ELFN2: variants seen among roughly 807,000 people sequenced by gnomAD.
ELFN2 encodes the protein protein phosphatase 1 regulatory subunit 29.
In ELFN2, 17 loss-of-function variants were observed where a neutral mutation model predicts 45.5. The ratio of observed to expected loss-of-function variants is 0.37; its 90% confidence interval spans 0.26 to 0.56. ELFN2 has a LOEUF of 0.56. ELFN2 is among the 20% of genes least tolerant of loss of function. The probability of loss-of-function intolerance (pLI) is 0.77; values close to 1 mark genes in which losing one functional copy is unlikely to be tolerated. For missense variants in ELFN2, 922 were observed against 1,183.2 expected, an observed-to-expected ratio of 0.78 and a Z score of 3.24; for synonymous variants, 550 against 551.5, an observed-to-expected ratio of 1.00 and a Z score of 0.04.
In ELFN2 at chr22:37,373,237, C is replaced by T. The variant is rs756462935; in HGVS notation, c.2298G>A (p.Thr766=). The T allele has an allele frequency of 1.1e-5, 18 of 1,613,880 alleles. No homozygotes were observed. The South Asian group carries it at 1.2e-4, about 11-fold the overall frequency. The change falls in exon 3 of 3, where the codon ACG becomes ACA. Residue 766 remains threonine (T), a synonymous_variant. Transcript: ENST00000402918. ...GCCGGAAGCGCTCCCAGATCTTGTG[C>T]GTGCTCTCGGATGAGTACTCGGGGC... ...SSSPEYSSES[T]HKIWERFRPY...
chr22:37,425,835 C>T (rs1199628942), intron 1 of ELFN2, among the ~76,000 whole-genome samples: 1 of 151,108 alleles, frequency 6.6e-6, no homozygotes, highest in Non-Finnish European at 1.5e-5. Flanking sequence ...GTCCACGGGC[C>T]ACGAGAACAG....
intron 1 of ELFN2, among the ~76,000 whole-genome samples, chr22:37,347,438 A>G (rs1304459820): frequency 6.6e-6 from 1 of 152,008 alleles, no homozygotes; most frequent in Non-Finnish European, 1.5e-5. Context: ...CACATCCAAA[A>G]CCACGGACAG....
At chr22:37,409,868 G>A (rs958183306) in intron 2 of ELFN2, among the ~76,000 whole-genome samples, 15 of 152,312 alleles carry the variant, frequency 9.8e-5, no homozygotes, top group Non-Finnish European at 1.6e-4. Flanking sequence ...AACAGATGGT[G>A]TACGTGTGTT....
Position 37,368,374 on chromosome 22 carries a change from C to T in ELFN2, c.*4698G>A, listed in dbSNP as rs1199959349. ...GCTGGAGTGTGGAGTGGCAGAGGGG[C>T]AGAGGAAGGAGGAGCAGGCCCAGAC... On this transcript the variant is annotated 3_prime_UTR_variant, in exon 3 of 3. Coordinates refer to ENST00000402918, the MANE Select transcript of ELFN2 (RefSeq NM_052906.5). 2 of 152,404 alleles carry T rather than the reference C, an allele frequency of 1.3e-5. No individual in the cohort carries two copies. The highest frequency in any genetic ancestry group is 2.9e-5 in the Non-Finnish European group (2 of 68,196). The allele number at this position is 152,404 out of a possible 1,614,324, so 9.4% of individuals were successfully genotyped here.
intron 1 of ELFN2, among the ~76,000 whole-genome samples, chr22:37,360,909 C>T (rs908832117): frequency 3.9e-5 from 6 of 152,274 alleles, no homozygotes; most frequent in Admixed American, 1.3e-4. Flanking sequence ...GAGTGAAGCG[C>T]GGCGCTCCCC....
rs749622317 is a variant in ELFN2, at chr22:37,373,597, G to A, written c.1938C>T (p.Asp646=). The change falls in exon 3 of 3, where the codon GAC becomes GAT. Residue 646 remains aspartate (D), a synonymous_variant. Coordinates refer to ENST00000402918, the MANE Select transcript of ELFN2 (RefSeq NM_052906.5). ...SIKSAKVFSL[D]VPDHPAATGL... ...CTGTGGCGGCCGGATGGTCGGGCAC[G>A]TCCAGGCTAAAGACCTTGGCGCTCT... 175 of 1,607,900 alleles carry A rather than the reference G, an allele frequency of 1.1e-4. No individual in the cohort carries two copies. Among genetic ancestry groups the A allele is most frequent in the Admixed American group, 2.0e-4 (12 of 59,166 alleles).
chr22:37,408,799 C>T (rs1932574707), intron 2 of ELFN2, among the ~76,000 whole-genome samples: 1 of 152,178 alleles, frequency 6.6e-6, no homozygotes, highest in Admixed American at 6.5e-5. Flanking sequence ...AGTTTCCCCA[C>T]CTGTCAAGTA....
chr22:37,399,520 G>A (rs1383153680), intron 2 of ELFN2, among the ~76,000 whole-genome samples: 2 of 144,822 alleles, frequency 1.4e-5, no homozygotes, highest in Non-Finnish European at 3.1e-5. Context: ...GGGACCACCA[G>A]CCCACCTCTC....
At chr22:37,399,214 C>T (rs573335996) in intron 2 of ELFN2, among the ~76,000 whole-genome samples, 9 of 152,248 alleles carry the variant, frequency 5.9e-5, no homozygotes, top group African/African-American at 9.6e-5. Flanking sequence ...CCTGTCCCAT[C>T]CCCGCCCAGT....
intron 2 of ELFN2, among the ~76,000 whole-genome samples, chr22:37,394,605 C>G (rs1017143118): frequency 5.3e-5 from 8 of 152,232 alleles, no homozygotes; most frequent in African/African-American, 1.4e-4. Flanking sequence ...GCTCCCGCCC[C>G]GGCACACAGT....
intron 2 of ELFN2, among the ~76,000 whole-genome samples, chr22:37,399,642 C>T (rs920181825): frequency 6.7e-6 from 1 of 150,230 alleles, no homozygotes; most frequent in Non-Finnish European, 1.5e-5. Flanking sequence ...CACCAGCCCA[C>T]CTCTCCCACC....
intron 1 of ELFN2, among the ~76,000 whole-genome samples, chr22:37,421,900 A>G (rs1343623949): frequency 6.6e-6 from 1 of 152,188 alleles, no homozygotes; most frequent in East Asian, 1.9e-4. Context: ...CTGACCCCAC[A>G]GCCTCTGTCT....
chr22:37,365,804 C>T (rs563245320), downstream of ELFN2, among the ~76,000 whole-genome samples: 13 of 152,306 alleles, frequency 8.5e-5, no homozygotes, highest in South Asian at 2.7e-3. Flanking sequence ...TAGAGACATT[C>T]GTCCAACAGA....
chr22:37,408,289 A>G (rs1366960521), intron 2 of ELFN2, among the ~76,000 whole-genome samples: 2 of 152,214 alleles, frequency 1.3e-5, no homozygotes, highest in Non-Finnish European at 2.9e-5. Flanking sequence ...TCAGCTCCCA[A>G]TCACGGGATC....
At chr22:37,383,903 G>A (rs370468935) in intron 2 of ELFN2, among the ~76,000 whole-genome samples, 2 of 152,154 alleles carry the variant, frequency 1.3e-5, no homozygotes, top group African/African-American at 4.8e-5. Context: ...GGGCTGGGCC[G>A]CTGAGCCGCA....
intron 2 of ELFN2, among the ~76,000 whole-genome samples, chr22:37,398,760 TACACATGTCATGTGTGCACACATGTGC>T (rs1202921411): frequency 3.3e-5 from 5 of 151,614 alleles, no homozygotes; most frequent in Admixed American, 2.0e-4. Context: ...CACACGCATC[TACACATGTCATGTGTGCACACATGTGC>T]ACACATGTAC....
intron 2 of ELFN2, among the ~76,000 whole-genome samples, chr22:37,341,288 C>T (rs1277231415): frequency 6.6e-6 from 1 of 152,174 alleles, no homozygotes; most frequent in Non-Finnish European, 1.5e-5. Context: ...TCCCACTTTA[C>T]TGCTGTCCCC....
chr22:37,402,914 C>T (rs143870845), intron 2 of ELFN2, among the ~76,000 whole-genome samples: 3,780 of 152,152 alleles, frequency 0.025, 76 homozygotes, highest in Admixed American at 0.038. Context: ...AGATAGGAGA[C>T]GGGGGTTAGA....
In ELFN2 at chr22:37,373,069, G is replaced by A. The variant is rs569458468; in HGVS notation, c.*3C>T. Reference sequence around the variant, plus strand: ...CCGACCTCACCAGGGAGGAAGGGGGGGGTCACAGCTTCTGCTGGGCGGAGA... The same window carrying A: ...CCGACCTCACCAGGGAGGAAGGGGGAGGTCACAGCTTCTGCTGGGCGGAGA... On this transcript the variant is annotated 3_prime_UTR_variant, in exon 3 of 3. Coordinates refer to ENST00000402918, the MANE Select transcript of ELFN2 (RefSeq NM_052906.5). 5.7e-6 allele frequency: 9 copies of A among 1,583,098 alleles called. No homozygotes were observed. The highest frequency in any genetic ancestry group is 3.4e-5 in the South Asian group (3 of 87,468).
Sources: allele counts gnomAD v4.1 joint callset (sites outside exome capture counted in the v4.1 genomes callset), GRCh38; gene constraint gnomAD v4.1.1; transcripts MANE v1.5; gene names NCBI Gene and HGNC (gene_info 2026-07-23, HGNC 2026-07-21).